The following DLG2 variants were observed in gnomAD, a reference collection of about 807,000 sequenced individuals.
DLG2 encodes disks large homolog 2.
In DLG2, 45 loss-of-function variants were observed where a neutral mutation model predicts 132.5. That is an observed-to-expected ratio of 0.34 (90% CI 0.27 to 0.44). DLG2 has a LOEUF of 0.44. DLG2 is among the 20% of genes least tolerant of loss of function. The pLI is 1.00. For synonymous variants in DLG2, 424 were observed against 419.6 expected (o/e 1.01, Z -0.13); for missense variants, 1,045 against 1,196.9 (o/e 0.87, Z 1.87).
At chr11:84,854,383 T>C (rs2082520973) in intron 6 of DLG2, among the ~76,000 whole-genome samples, 1 of 151,960 alleles carries the variant, frequency 6.6e-6, no homozygotes, top group Non-Finnish European at 1.5e-5. Flanking sequence ...TATTTGCCTC[T>C]AGACATTCCT....
intron 6 of DLG2, among the ~76,000 whole-genome samples, chr11:84,795,510 T>C (rs2074467310): frequency 6.6e-6 from 1 of 152,128 alleles, no homozygotes; most frequent in Admixed American, 6.6e-5. Context: ...GCAGGTCTCC[T>C]CTGAGCTGTT....
At chr11:83,573,390 A>C (rs1422914591) in intron 19 of DLG2, among the ~76,000 whole-genome samples, 1 of 152,176 alleles carries the variant, frequency 6.6e-6, no homozygotes, top group East Asian at 1.9e-4. Context: ...TCATTTGCAG[A>C]GTAATATAAT....
chr11:83,735,224 G>A (rs2091736988), intron 18 of DLG2, among the ~76,000 whole-genome samples: 1 of 152,018 alleles, frequency 6.6e-6, no homozygotes, highest in Non-Finnish European at 1.5e-5. Flanking sequence ...TAATTTCATA[G>A]GTACGTATTT....
intron 17 of DLG2, chr11:83,791,289 G>A (rs1225396979): frequency 8.9e-6 from 6 of 677,426 alleles, no homozygotes; most frequent in Admixed American, 2.4e-5. Flanking sequence ...AGCTCCCAGA[G>A]GGTTTGCCCG....
intron 6 of DLG2, among the ~76,000 whole-genome samples, chr11:84,709,697 A>G (rs1255766754): frequency 6.6e-6 from 1 of 151,770 alleles, no homozygotes; most frequent in Non-Finnish European, 1.5e-5. Context: ...GTAGAATAGG[A>G]TATATAATCT....
chr11:83,627,829 A>C (rs1276156882), intron 19 of DLG2, among the ~76,000 whole-genome samples: 3 of 152,192 alleles, frequency 2.0e-5, no homozygotes, highest in African/African-American at 4.8e-5. Context: ...CACTCCCACC[A>C]ACAGTGTAAA....
intron 15 of DLG2, among the ~76,000 whole-genome samples, chr11:83,880,378 A>G (rs2065875381): frequency 6.6e-6 from 1 of 152,208 alleles, no homozygotes; most frequent in African/African-American, 2.4e-5. Flanking sequence ...AAAAATTAAG[A>G]AAAGAGAATG....
At chr11:85,220,256 T>C (rs1200488802) in intron 4 of DLG2, among the ~76,000 whole-genome samples, 1 of 152,028 alleles carries the variant, frequency 6.6e-6, no homozygotes, top group Admixed American at 6.6e-5. Context: ...GTTGGAAATG[T>C]TGCACTGTTT....
intron 6 of DLG2, among the ~76,000 whole-genome samples, chr11:84,937,922 G>A (rs554896117): frequency 6.6e-6 from 1 of 152,172 alleles, no homozygotes; most frequent in East Asian, 1.9e-4. Context: ...GGTAGGAGGG[G>A]ACTTGGAGAG....
In DLG2 at chr11:85,167,943, G is replaced by A. The variant is rs2078577961; in HGVS notation, c.187-13292C>T. Among the ~76,000 whole-genome samples, 4 of 152,202 alleles carry A rather than the reference G, an allele frequency of 2.6e-5. No individual in the cohort carries two copies. In the East Asian group the frequency reaches 7.7e-4, roughly 29 times the overall value. On this transcript the variant is annotated intron_variant, in intron 4 of 27. Transcript: ENST00000376104. ...ACAATGGGTAAGTTTAAACTAAGTA[G>A]TTCTCCTCTGCTGAAATAATAATAA...
intron 11 of DLG2, among the ~76,000 whole-genome samples, chr11:84,043,718 G>C (rs1398197237): frequency 6.6e-6 from 1 of 151,444 alleles, no homozygotes; most frequent in East Asian, 1.9e-4. Flanking sequence ...TGTGAAGTCT[G>C]TGCTCATCAT....
Position 83,459,903 on chromosome 11 carries a change from A to G in DLG2, c.2843T>C (p.Leu948Ser). The G allele has an allele frequency of 1.2e-6, 2 of 1,600,714 alleles. No homozygotes were observed. The highest frequency in any genetic ancestry group is 8.6e-7 in the Non-Finnish European group (1 of 1,168,008). Residue 948 changes from leucine (L) to serine (S), a missense_variant, in exon 28 of 28, where the codon TTA (leucine) becomes TCA (serine). Leu to Ser is a moderately radical substitution (Grantham distance 145, BLOSUM62 -2). Around this residue, in one of 4 missense-constraint regions of DLG2, gnomAD observed 398 missense variants for 543.6 expected, o/e 0.73. Transcript: ENST00000376104. ...YFTAIVQGDTLEDIYNQCKLV... is the reference protein window; with the variant it reads ...YFTAIVQGDTSEDIYNQCKLV... ...CTTGCATTGGTTATATATATCTTCT[A>G]AAGTATCTCCTTGGACAATAGCTGT...
intron 3 of DLG2, among the ~76,000 whole-genome samples, chr11:85,460,089 A>C (rs286513): frequency 0.9 from 137,597 of 152,258 alleles, 62,471 homozygotes; most frequent in Middle Eastern, 0.95. Context: ...GCCCAAGAGC[A>C]CAGACAGGGG....
chr11:85,410,746 A>T (rs978807781), intron 3 of DLG2, among the ~76,000 whole-genome samples: 10 of 151,912 alleles, frequency 6.6e-5, no homozygotes, highest in Non-Finnish European at 1.3e-4. Flanking sequence ...TAAACAAATG[A>T]GTACACTATG....
intron 19 of DLG2, among the ~76,000 whole-genome samples, chr11:83,577,559 A>AATATATATATATATATATATAT (rs1167372199): frequency 6.9e-4 from 54 of 78,410 alleles, no homozygotes; most frequent in African/African-American, 1.8e-3. Context: ...GAATTAATAG[A>AATATATATATATATATATATAT]ATATATATAT....
intron 3 of DLG2, among the ~76,000 whole-genome samples, chr11:85,485,617 C>A (rs1368756973): frequency 6.6e-6 from 1 of 152,026 alleles, no homozygotes; most frequent in Non-Finnish European, 1.5e-5. Flanking sequence ...CAGCTGGGAG[C>A]CAGAAAAAGC....
intron 3 of DLG2, among the ~76,000 whole-genome samples, chr11:85,387,613 T>C (rs980282253): frequency 2.6e-5 from 4 of 152,184 alleles, no homozygotes; most frequent in African/African-American, 9.7e-5. Context: ...TGTCAGTAAG[T>C]CAAATATTTT....
intron 15 of DLG2, among the ~76,000 whole-genome samples, chr11:83,906,288 CA>C (rs1565586102): frequency 1.9e-4 from 28 of 145,690 alleles, no homozygotes; most frequent in Non-Finnish European, 4.1e-4. Context: ...CACACACACA[CA>C]CACACACACA....
At chr11:83,901,010 G>T (rs973619501) in intron 15 of DLG2, among the ~76,000 whole-genome samples, 3 of 152,228 alleles carry the variant, frequency 2.0e-5, no homozygotes, top group African/African-American at 7.2e-5. Context: ...GAGACATGGA[G>T]TCAAAGGAGA....
Sources: allele counts gnomAD v4.1 joint callset (sites outside exome capture counted in the v4.1 genomes callset), GRCh38; gene constraint gnomAD v4.1.1; regional missense constraint gnomAD v4.1.1; transcripts MANE v1.5; gene names NCBI Gene and HGNC (gene_info 2026-07-23, HGNC 2026-07-21).